LGR4: variants seen among roughly 807,000 people sequenced by gnomAD.
The protein encoded by LGR4 is leucine rich repeat containing G protein-coupled receptor 4.
Under a neutral mutation model 84.8 loss-of-function variants are expected in LGR4, and 44 were observed. The observed-to-expected ratio is 0.52, with a 90% CI of 0.41 to 0.67. The LOEUF is 0.67. Among genes scored for constraint, LGR4 ranks in the 30% least tolerant of loss-of-function variants. The pLI, the probability that LGR4 is intolerant of heterozygous loss-of-function variation, is 0.00. For synonymous variants in LGR4, 429 were observed against 434.3 expected (o/e 0.99, Z 0.15); for missense variants, 1,032 against 1,131.4 (o/e 0.91, Z 1.26).
chr11:27,368,173 A>C lies in LGR4; in HGVS notation c.2550T>G (p.His850Gln). 6.2e-7 allele frequency: 1 copy of C among 1,614,222 alleles called. No individual in the cohort carries two copies. Among genetic ancestry groups the C allele is most frequent in the Middle Eastern group, 1.6e-4 (1 of 6,062 alleles). Residue 850 changes from histidine to glutamine, a missense_variant, in exon 18 of 18, where the codon CAT becomes CAG. By Grantham distance (24) the His-to-Gln change is conservative (BLOSUM62 0). Coordinates refer to ENST00000379214, the MANE Select transcript of LGR4 (RefSeq NM_018490.5). The stretch of plus-strand genomic sequence containing the variant: ...CGCAAACAGTCAGGTTGCCCTGCAA[A>C]TGTGAGTACATGCCACAGTCGTAGT... ...DFYYDCGMYS[H>Q]LQGNLTVCDC...
intron 1 of LGR4, among the ~76,000 whole-genome samples, chr11:27,460,669 G>T (rs1345096387): frequency 6.6e-6 from 1 of 152,244 alleles, no homozygotes; most frequent in African/African-American, 2.4e-5. Flanking sequence ...TTTGTGCACA[G>T]ATTTGCCAAC....
chr11:27,369,145 T>A lies in LGR4; in HGVS notation c.1580-2A>T, dbSNP rs1565067646. ...AATATTCACAGGGCTTAAAAGCACC[T>A]AAAAAAAACACACACAGAGAGAGAG... is the stretch of plus-strand genomic sequence containing the variant. On this transcript the variant is annotated splice_acceptor_variant, in intron 17 of 17. Coordinates refer to ENST00000379214, the MANE Select transcript of LGR4 (RefSeq NM_018490.5). LOFTEE classifies it high-confidence loss of function. 6 of 1,569,518 alleles carry A rather than the reference T, an allele frequency of 3.8e-6. No homozygotes were observed. In the Admixed American group the frequency reaches 5.7e-5, roughly 15 times the overall value.
intron 2 of LGR4, among the ~76,000 whole-genome samples, chr11:27,406,735 A>T (rs1863618115): frequency 6.6e-6 from 1 of 152,166 alleles, no homozygotes; most frequent in Non-Finnish European, 1.5e-5. Flanking sequence ...TCATCCTACC[A>T]GAGGGCTGCA....
At chr11:27,415,022 A>G (rs1863788318) in intron 1 of LGR4, among the ~76,000 whole-genome samples, 1 of 152,198 alleles carries the variant, frequency 6.6e-6, no homozygotes, top group Non-Finnish European at 1.5e-5. Context: ...CAAAGTTTAA[A>G]GACTATCCCT....
intron 1 of LGR4, among the ~76,000 whole-genome samples, chr11:27,422,750 TA>T (rs1279252244): frequency 6.6e-6 from 1 of 152,222 alleles, no homozygotes; most frequent in African/African-American, 2.4e-5. Context: ...CCAGTGATTT[TA>T]AAAACCTTTA....
intron 2 of LGR4, among the ~76,000 whole-genome samples, chr11:27,407,500 G>T (rs1273494317): frequency 6.6e-6 from 1 of 151,944 alleles, no homozygotes; most frequent in African/African-American, 2.4e-5. Context: ...CTCCTCATAG[G>T]GGTCTCATGA....
At chr11:27,373,410 AT>A in intron 15 of LGR4, 140 bp downstream of exon 15, 1 of 711,560 alleles carries the variant, frequency 1.4e-6, no homozygotes, top group East Asian at 2.7e-5. Context: ...TTTTCACCAA[AT>A]TTGCAAAGAC....
At chr11:27,460,895 T>C (rs868485720) in intron 1 of LGR4, among the ~76,000 whole-genome samples, 7 of 151,730 alleles carry the variant, frequency 4.6e-5, no homozygotes, top group African/African-American at 1.7e-4. Context: ...TCTCAAACTT[T>C]TTTTTTTTTT....
chr11:27,368,743 T>C lies in LGR4; in HGVS notation c.1980A>G (p.Lys660=), dbSNP rs756937278. ...IMKNGKSNHL[K]QFRVAALLAF... ...CCAAAAGGGCAGCAACCCGGAACTG[T>C]TTGAGATGATTGCTCTTCCCATTTT... is the stretch of plus-strand genomic sequence containing the variant. Residue 660 remains lysine, a synonymous_variant, in exon 18 of 18, where the codon AAA becomes AAG. Coordinates refer to ENST00000379214, the MANE Select transcript of LGR4 (RefSeq NM_018490.5). 2.0e-5 allele frequency: 32 copies of C among 1,613,850 alleles called. 1 individual carries two copies. In the South Asian group the frequency reaches 3.3e-4, roughly 17 times the overall value.
intron 5 of LGR4, among the ~76,000 whole-genome samples, chr11:27,384,798 C>A (rs577685008): frequency 6.6e-6 from 1 of 152,094 alleles, no homozygotes; most frequent in Non-Finnish European, 1.5e-5. Flanking sequence ...GTAGTTTACA[C>A]CAGTGAGATC....
chr11:27,435,730 C>T (rs1353090484), intron 1 of LGR4, among the ~76,000 whole-genome samples: 2 of 151,798 alleles, frequency 1.3e-5, no homozygotes, highest in Non-Finnish European at 2.9e-5. Flanking sequence ...TCAAGTGATC[C>T]TCCCACCTCA....
intron 1 of LGR4, among the ~76,000 whole-genome samples, chr11:27,449,340 C>G (rs1457722363): frequency 6.6e-6 from 1 of 152,112 alleles, no homozygotes; most frequent in Non-Finnish European, 1.5e-5. Flanking sequence ...CCCAGCACTT[C>G]AGGAGGCCGA....
At chr11:27,425,701 C>A (rs989543805) in intron 1 of LGR4, among the ~76,000 whole-genome samples, 1 of 152,118 alleles carries the variant, frequency 6.6e-6, no homozygotes, top group Non-Finnish European at 1.5e-5. Flanking sequence ...GACCATCCCA[C>A]TAATAGCAGT....
intron 2 of LGR4, among the ~76,000 whole-genome samples, chr11:27,395,820 T>C (rs534971406): frequency 6.6e-5 from 10 of 152,286 alleles, no homozygotes; most frequent in East Asian, 1.9e-4. Flanking sequence ...GCTCCAGTAA[T>C]TGCACCCGCC....
At position 27,384,474 on chromosome 11, in the gene LGR4, T is replaced by C. The variant is rs1010833079; in HGVS notation, c.618-67A>G. The C allele has an allele frequency of 8.3e-6, 9 of 1,078,158 alleles. No individual in the cohort carries two copies. The South Asian group carries it at 1.0e-4, about 12-fold the overall frequency. 66.8% of individuals were successfully genotyped at this position (1,078,158 alleles called of 1,614,324 possible). Reference sequence around the variant, plus strand: ...ATTGGCAACTATTATCATTGTTTTATATGTCTGAGTTGGTGTGTAAAGGAA... The same window carrying C: ...ATTGGCAACTATTATCATTGTTTTACATGTCTGAGTTGGTGTGTAAAGGAA... On this transcript the variant is annotated intron_variant, in intron 5 of 17. Coordinates refer to ENST00000379214, the MANE Select transcript of LGR4 (RefSeq NM_018490.5).
chr11:27,400,714 G>A (rs758463273), intron 2 of LGR4, among the ~76,000 whole-genome samples: 4 of 152,014 alleles, frequency 2.6e-5, no homozygotes, highest in Non-Finnish European at 4.4e-5. Flanking sequence ...TGTTGGCCAG[G>A]CTGGTCTCCT....
At chr11:27,448,042 T>C (rs1358433182) in intron 1 of LGR4, among the ~76,000 whole-genome samples, 2 of 152,212 alleles carry the variant, frequency 1.3e-5, no homozygotes, top group East Asian at 3.8e-4. Flanking sequence ...TTACAGTTAT[T>C]GCTCTCTGTA....
At chr11:27,420,554 A>G (rs945809348) in intron 1 of LGR4, among the ~76,000 whole-genome samples, 8 of 152,200 alleles carry the variant, frequency 5.3e-5, no homozygotes, top group African/African-American at 9.6e-5. Context: ...CTAATATCAA[A>G]GTTAAGTATA....
At position 27,368,275 on chromosome 11, in the gene LGR4, C is replaced by T. The variant is rs1203273253; in HGVS notation, c.2448G>A (p.Lys816=). The change falls in exon 18 of 18, where the codon AAG becomes AAA. Residue 816 remains lysine (K), a synonymous_variant. Transcript: ENST00000379214. ...ATCCACTTTTCTTGGTAACACGTCG[C>T]TTCAGTAACTTCCAGTCTTCTTTAA... ...PKFKEDWKLL[K]RRVTKKSGSV... 6.2e-7 allele frequency: 1 copy of T among 1,614,220 alleles called. No individual in the cohort carries two copies. Among genetic ancestry groups the T allele is most frequent in the Non-Finnish European group, 8.5e-7 (1 of 1,180,032 alleles).
Sources: allele counts gnomAD v4.1 joint callset (sites outside exome capture counted in the v4.1 genomes callset), GRCh38; gene constraint gnomAD v4.1.1; transcripts MANE v1.5; gene names NCBI Gene and HGNC (gene_info 2026-07-23, HGNC 2026-07-21).